The following FMN2 variants were observed in gnomAD, a reference collection of about 807,000 sequenced individuals.
FMN2 encodes the protein formin 2, also known as formin-2.
In FMN2, 51 loss-of-function variants were observed where a neutral mutation model predicts 142.3. The observed-to-expected ratio is 0.36, with a 90% confidence interval of 0.29 to 0.45. FMN2 has a LOEUF of 0.45. Ranked by LOEUF, FMN2 falls within the 20% of genes least tolerant of loss-of-function variation. The pLI is 1.00. For missense variants in FMN2, 1,936 were observed against 2,122.8 expected (o/e 0.91, Z 1.73); for synonymous variants, 882 against 869.8 (o/e 1.01, Z -0.25).
intron 3 of FMN2, among the ~76,000 whole-genome samples, chr1:240,179,165 G>T (rs1665048327): frequency 6.6e-6 from 1 of 152,188 alleles, no homozygotes; most frequent in African/African-American, 2.4e-5. Flanking sequence ...AATGTAGAAT[G>T]CAGTGCCTAG....
chr1:240,222,206 T>C (rs897361085), intron 6 of FMN2, among the ~76,000 whole-genome samples: 3 of 152,132 alleles, frequency 2.0e-5, no homozygotes, highest in African/African-American at 7.2e-5. Flanking sequence ...GTTTTCTGCA[T>C]ATGGCTGCCA....
intron 6 of FMN2, among the ~76,000 whole-genome samples, chr1:240,218,603 G>A (rs1251869395): frequency 1.3e-5 from 2 of 152,104 alleles, no homozygotes; most frequent in Admixed American, 1.3e-4. Flanking sequence ...GCAGATGATG[G>A]GAGAGTGTTT....
At chr1:240,384,534 C>T (rs1044726451) in intron 14 of FMN2, among the ~76,000 whole-genome samples, 3 of 152,046 alleles carry the variant, frequency 2.0e-5, no homozygotes, top group African/African-American at 7.2e-5. Context: ...TCCCACTGTT[C>T]ATTGTTTACC....
In FMN2 at chr1:240,093,044, C is replaced by T. The variant is rs1661055853; in HGVS notation, c.935C>T (p.Pro312Leu). Residue 312 changes from proline (P) to leucine (L), a missense_variant, in exon 1 of 18, where the codon CCC becomes CTC. Around this residue, in one of 8 missense-constraint regions of FMN2, gnomAD observed 751 missense variants for 791.8 expected, o/e 0.95. Coordinates refer to ENST00000319653, the MANE Select transcript of FMN2 (RefSeq NM_020066.5). ...GCGCCCAGTCTCCCGGCAGCGCAAC[C>T]CGCGGCCAAAGACTCGCCCTCCTCC... ...SEAPSLPAAQ[P>L]AAKDSPSSTA... 1 of 1,393,214 alleles carries T rather than the reference C, an allele frequency of 7.2e-7. No homozygotes were observed. Among genetic ancestry groups the T allele is most frequent in the Non-Finnish European group, 9.2e-7 (1 of 1,082,452 alleles). 86.3% of individuals were successfully genotyped at this position (1,393,214 alleles called of 1,614,324 possible). A position where few individuals can be genotyped will look rare whatever the true frequency, so the allele number is the denominator to read the frequency against.
chr1:240,123,884 A>C (rs1662395667), intron 2 of FMN2, among the ~76,000 whole-genome samples: 1 of 152,152 alleles, frequency 6.6e-6, no homozygotes, highest in Non-Finnish European at 1.5e-5. Context: ...TATGAATCTG[A>C]CTATGCTAGG....
rs1341143629 is a variant in FMN2 at position 240,093,055 on chromosome 1, G to C, written c.946G>C (p.Asp316His). ...CCCGGCAGCGCAACCCGCGGCCAAA[G>C]ACTCGCCCTCCTCCACGGCTTTCCC... ...SLPAAQPAAKDSPSSTAFPFP... is the reference protein window; with the variant it reads ...SLPAAQPAAKHSPSSTAFPFP... Residue 316 changes from aspartate (D) to histidine (H), a missense_variant, in exon 1 of 18, where the codon GAC becomes CAC. By Grantham distance (81) the Asp-to-His change is moderately conservative (BLOSUM62 -1). Transcript: ENST00000319653. 2.9e-6 allele frequency: 4 copies of C among 1,394,458 alleles called. No homozygotes were observed. The highest frequency in any genetic ancestry group is 3.6e-5 in the Admixed American group (1 of 27,650). 86.4% of individuals were successfully genotyped at this position (1,394,458 alleles called of 1,614,324 possible).
intron 7 of FMN2, among the ~76,000 whole-genome samples, chr1:240,276,374 G>A (rs1669211394): frequency 6.6e-6 from 1 of 152,144 alleles, no homozygotes; most frequent in Admixed American, 6.5e-5. Flanking sequence ...AATGGTGCGT[G>A]GTTAAGAATG....
chr1:240,279,253 TTTC>T (rs2102935380), intron 7 of FMN2, among the ~76,000 whole-genome samples: 1 of 152,280 alleles, frequency 6.6e-6, no homozygotes, highest in East Asian at 1.9e-4. Context: ...TAAAAATGGT[TTTC>T]TTTAATGAAA....
chr1:240,119,308 G>A (rs1460027641), intron 1 of FMN2, among the ~76,000 whole-genome samples: 2 of 144,920 alleles, frequency 1.4e-5, no homozygotes, highest in Admixed American at 6.9e-5. Flanking sequence ...CAGCCTAGGC[G>A]ACAGGGCGAG....
At chr1:240,307,131 G>T (rs922997986) in intron 8 of FMN2, among the ~76,000 whole-genome samples, 5 of 152,110 alleles carry the variant, frequency 3.3e-5, no homozygotes, top group Admixed American at 6.6e-5. Context: ...ATCCCTTATA[G>T]ATTCTGGATA....
chr1:240,200,419 A>G (rs1283611139), intron 4 of FMN2, among the ~76,000 whole-genome samples: 1 of 152,200 alleles, frequency 6.6e-6, no homozygotes, highest in African/African-American at 2.4e-5. Context: ...GAAATATCTC[A>G]GCTGACTTTC....
At chr1:240,438,288 C>T (rs1293220575) in intron 16 of FMN2, 78 bp downstream of exon 16, 9 of 1,468,066 alleles carry the variant, frequency 6.1e-6, no homozygotes, top group East Asian at 2.3e-5. Flanking sequence ...TGCCAATTTT[C>T]GTAGCCTGAA....
chr1:240,231,985 A>ATT (rs1291835079), intron 6 of FMN2, among the ~76,000 whole-genome samples: 1 of 152,174 alleles, frequency 6.6e-6, no homozygotes, highest in Non-Finnish European at 1.5e-5. Flanking sequence ...ACTTTTTCAG[A>ATT]TAAGAGTATT....
intron 7 of FMN2, among the ~76,000 whole-genome samples, chr1:240,277,555 CAG>C (rs1268959646): frequency 5.0e-5 from 5 of 100,440 alleles, no homozygotes; most frequent in Non-Finnish European, 8.9e-5. Context: ...TTTTTTGAGA[CAG>C]AGTTGCACTC....
chr1:240,208,695 C>A lies in FMN2; in HGVS notation c.3883C>A (p.Pro1295Thr). 1 of 1,613,446 alleles carries A rather than the reference C, an allele frequency of 6.2e-7. No individual in the cohort carries two copies. Among genetic ancestry groups the A allele is most frequent in the Non-Finnish European group, 8.5e-7 (1 of 1,179,730 alleles). ...QPIEPCRPMK[P>T]LYWTRIQLHS... ...CATAGAGCCTTGTCGACCAATGAAG[C>A]CTCTTTACTGGACCAGGATTCAACT... is the stretch of plus-strand genomic sequence containing the variant. The change falls in exon 5 of 18, where the codon CCT becomes ACT. Residue 1295 changes from proline (P) to threonine (T), a missense_variant. Transcript: ENST00000319653.
chr1:240,349,174 C>T (rs918876546), intron 13 of FMN2, among the ~76,000 whole-genome samples: 2 of 152,024 alleles, frequency 1.3e-5, no homozygotes, highest in Admixed American at 1.3e-4. Flanking sequence ...GCACTTACAC[C>T]TACTTTGCAA....
chr1:240,146,393 CAAA>C (rs71170704), intron 2 of FMN2, among the ~76,000 whole-genome samples: 32,901 of 99,064 alleles, frequency 0.33, 5,007 homozygotes, highest in Admixed American at 0.44. Context: ...GACTCTGTCT[CAAA>C]AAAAAAAAAA....
intron 3 of FMN2, among the ~76,000 whole-genome samples, chr1:240,185,239 T>G (rs964348331): frequency 6.6e-6 from 1 of 152,146 alleles, no homozygotes; most frequent in Admixed American, 6.6e-5. Context: ...TATTGTTTTC[T>G]TTTTCCTTAT....
intron 14 of FMN2, among the ~76,000 whole-genome samples, chr1:240,370,880 A>G (rs1372628648): frequency 6.6e-6 from 1 of 152,224 alleles, no homozygotes; most frequent in East Asian, 1.9e-4. Flanking sequence ...ACTCATTAAA[A>G]TTTATGTTTA....
Sources: gnomAD v4.1 joint callset for allele counts (sites outside exome capture counted in the v4.1 genomes callset) on GRCh38, gnomAD v4.1.1 for gene constraint, gnomAD v4.1.1 regional missense constraint, MANE v1.5 for transcripts, NCBI Gene and HGNC (gene_info 2026-07-23, HGNC 2026-07-21) for gene names.